Variants in PTCH1 observed in about 807,000 individuals in gnomAD.
The protein encoded by PTCH1 is protein patched homolog 1.
In PTCH1, 14 loss-of-function variants were observed where a neutral mutation model predicts 144.6. The ratio of observed to expected loss-of-function variants is 0.10; its 90% CI spans 0.06 to 0.15. The LOEUF (loss-of-function observed/expected upper bound fraction) is 0.15, where lower values mean the gene tolerates loss of function less well. Among genes scored for constraint, PTCH1 ranks in the 10% least tolerant of loss-of-function variants. The pLI is 1.00. For synonymous variants in PTCH1, 833 were observed against 793.6 expected, an observed-to-expected ratio of 1.05 and a Z score of -0.83; for missense variants, 1,623 against 1,948.3, an observed-to-expected ratio of 0.83 and a Z score of 3.14.
At chr9:95,488,903 G>C (rs1424573675) in intron 2 of PTCH1, among the ~76,000 whole-genome samples, 1 of 152,216 alleles carries the variant, frequency 6.6e-6, no homozygotes, top group East Asian at 1.9e-4. Context: ...CTGGGTAGAA[G>C]AACCAGCAAC....
At chr9:95,469,334 C>G in intron 13 of PTCH1, 181 bp from the exon 14 acceptor site, 1 of 927,056 alleles carries the variant, frequency 1.1e-6, no homozygotes, top group Non-Finnish European at 1.6e-6. Context: ...TGGTTCATCG[C>G]CTGGTGAACT....
At chr9:95,507,109 A>G in intron 1 of PTCH1, 1 of 984,594 alleles carries the variant, frequency 1.0e-6, no homozygotes, top group Non-Finnish European at 1.2e-6. Flanking sequence ...CGAGAATGGT[A>G]GTAAGTGGGG....
intron 16 of PTCH1, among the ~76,000 whole-genome samples, chr9:95,461,183 G>A (rs1410988361): frequency 6.6e-6 from 1 of 152,058 alleles, no homozygotes; most frequent in Non-Finnish European, 1.5e-5. Context: ...GGGGTATGCT[G>A]GAATCCAAAT....
Position 95,482,180 on chromosome 9 carries a change from C to T in PTCH1, c.608G>A (p.Cys203Tyr), listed in dbSNP as rs1261920867. 6.2e-7 allele frequency: 1 copy of T among 1,613,950 alleles called. No homozygotes were observed. Among genetic ancestry groups the T allele is most frequent in the Non-Finnish European group, 8.5e-7 (1 of 1,179,984 alleles). The change falls in exon 4 of 24, where the codon TGT (cysteine) becomes TAT (tyrosine). Residue 203 changes from cysteine (C) to tyrosine (Y), a missense_variant. By Grantham distance (194) the Cys-to-Tyr change is radical (BLOSUM62 -2). Coordinates refer to ENST00000331920, the MANE Select transcript of PTCH1 (RefSeq NM_000264.5). ...TGTGATAAGCTCTCCTGATTTGTAA[C>T]ACAAATGTTCCAATTTCCACTGCCT... The part of the protein sequence containing the change: ...YNRQWKLEHL[C>Y]YKSGELITET...
In PTCH1 at chr9:95,508,994, G is replaced by A. The variant is rs150410919; in HGVS notation, c.-633C>T. Among the ~76,000 whole-genome samples, 1,009 of 151,116 alleles carry A rather than the reference G, an allele frequency of 6.7e-3. 15 individuals are homozygous for A. Among genetic ancestry groups the A allele is most frequent in the African/African-American group, 0.024 (971 of 41,290 alleles). On this transcript the variant is annotated 5_prime_UTR_variant, in exon 1 of 24. Transcript: ENST00000331920. ...GCTGCTGGCGGTGGCGGCTCCAGGA[G>A]CTGCTGCTCGGGCTGCTCGGGCTCT...
chr9:95,516,706 C>T (rs762460945), exon 1 of PTCH1: 1 of 1,613,408 alleles, frequency 6.2e-7, no homozygotes, highest in South Asian at 1.1e-5. Flanking sequence ...CCTCCTCCGT[C>T]TTTACAAAAG....
intron 22 of PTCH1, 73 bp from the exon 23 acceptor site, chr9:95,447,524 C>T (rs1157782376): frequency 7.0e-7 from 1 of 1,437,338 alleles, no homozygotes; most frequent in South Asian, 1.4e-5. Context: ...CCCACACTTC[C>T]CTCCTTGGGT....
At position 95,480,411 on chromosome 9, in the gene PTCH1, G is replaced by T. The variant is rs765750044; in HGVS notation, c.924C>A (p.Ala308=). 15 of 1,610,810 alleles carry T rather than the reference G, an allele frequency of 9.3e-6. No homozygotes were observed. The highest frequency in any genetic ancestry group is 1.2e-5 in the Non-Finnish European group (14 of 1,179,586). ...NPADPDCPAT[A]PNKNSTKPLD... ...TCACTTTGGTTGAATTTTTGTTGGG[G>T]GCTGTGGCGGGGCAGTCTGGATCGG... is the stretch of plus-strand genomic sequence containing the variant. The change falls in exon 6 of 24, where the codon GCC becomes GCA. Residue 308 remains alanine (A), a synonymous_variant. Transcript: ENST00000331920.
chr9:95,488,410 C>T (rs1029153831), intron 2 of PTCH1, among the ~76,000 whole-genome samples: 2 of 152,200 alleles, frequency 1.3e-5, no homozygotes, highest in African/African-American at 4.8e-5. Context: ...ACGGTTTTCT[C>T]AACCACCTAT....
At chr9:95,482,670 T>C in intron 3 of PTCH1, 1 of 222,334 alleles carries the variant, frequency 4.5e-6, no homozygotes, top group East Asian at 1.2e-4. Flanking sequence ...TCTCCTGCTC[T>C]TAACCATTAA....
chr9:95,464,134 C>CT, intron 15 of PTCH1, among the ~76,000 whole-genome samples: 1 of 152,212 alleles, frequency 6.6e-6, no homozygotes, highest in Non-Finnish European at 1.5e-5. Context: ...ATTCACTCTA[C>CT]TGGGGGTTCA....
At chr9:95,467,085 G>C (rs753742035) in intron 15 of PTCH1, 31 bp downstream of exon 15, 4 of 1,609,704 alleles carry the variant, frequency 2.5e-6, no homozygotes, top group South Asian at 1.1e-5. Context: ...GCAAAAGACC[G>C]AAAGGACGAG....
In PTCH1 at chr9:95,459,673, C is replaced by T. The variant is rs587780534; in HGVS notation, c.2814G>A (p.Gln938=). The change falls in exon 17 of 24, where the codon CAG becomes CAA. Residue 938 remains glutamine (Q), a synonymous_variant. Transcript: ENST00000331920. ...CTGGTCGGTGTGGCCGGATGTTGGCCTGGGAGGCAGCATACGCGACGGGGT... is the reference window on the plus strand; with the variant it reads ...CTGGTCGGTGTGGCCGGATGTTGGCTTGGGAGGCAGCATACGCGACGGGGT... ...SNDPVAYAAS[Q]ANIRPHRPEW... The T allele has an allele frequency of 1.1e-4, 170 of 1,614,172 alleles. No homozygotes were observed. The highest frequency in any genetic ancestry group is 2.3e-4 in the Admixed American group (14 of 60,018).
chr9:95,511,341 G>C (rs1321124168), upstream of PTCH1, among the ~76,000 whole-genome samples: 2 of 151,962 alleles, frequency 1.3e-5, no homozygotes, highest in Non-Finnish European at 2.9e-5. Context: ...CCACCAGCCT[G>C]GCCACCTTCC....
At position 95,476,221 on chromosome 9, in the gene PTCH1, CTG is replaced by C; in HGVS notation, c.1603-64_1603-63del. 1 of 1,580,650 alleles carries C rather than the reference CTG, an allele frequency of 6.3e-7. No homozygotes were observed. Among genetic ancestry groups the C allele is most frequent in the African/African-American group, 1.3e-5 (1 of 74,228 alleles). ...GGACATGGTCCCCTTGGAGCACAGA[CTG>C]TGTGAGCAGATACGTGGCAGAATAA... On this transcript the variant is annotated intron_variant, in intron 11 of 23. Coordinates refer to ENST00000331920, the MANE Select transcript of PTCH1 (RefSeq NM_000264.5). The surrounding 1 kb of genome is among the most constrained non-coding windows in gnomAD (Gnocchi z 4.6).
intron 23 of PTCH1, 48 bp downstream of exon 23, chr9:95,446,863 C>G: frequency 1.2e-6 from 2 of 1,611,834 alleles, no homozygotes; most frequent in Non-Finnish European, 1.7e-6. Flanking sequence ...TTGTCCTCCT[C>G]TTTGCCTGGC....
rs774573762 is a variant in PTCH1 at position 95,467,189 on chromosome 9, C to T, written c.2487G>A (p.Val829=). The T allele has an allele frequency of 6.2e-7, 1 of 1,614,246 alleles. No individual in the cohort carries two copies. The highest frequency in any genetic ancestry group is 8.5e-7 in the Non-Finnish European group (1 of 1,180,044). The part of the protein sequence containing the change: ...LYDLHRSFSN[V]KYVMLEENKQ... ...TGTTTTCTTCCAACATGACATACTTCACGTTACTGAAACTCCTGTGTAGGT... is the reference window on the plus strand; with the variant it reads ...TGTTTTCTTCCAACATGACATACTTTACGTTACTGAAACTCCTGTGTAGGT... The change falls in exon 15 of 24, where the codon GTG becomes GTA. Residue 829 remains valine (V), a synonymous_variant. Coordinates refer to ENST00000331920, the MANE Select transcript of PTCH1 (RefSeq NM_000264.5).
intron 15 of PTCH1, among the ~76,000 whole-genome samples, chr9:95,463,492 TTC>T (rs955339027): frequency 2.6e-5 from 4 of 152,128 alleles, no homozygotes; most frequent in Non-Finnish European, 5.9e-5. Flanking sequence ...AGCCCTTTCT[TTC>T]TGTTTTTGAA....
At chr9:95,507,699 C>G (rs1403911139) in intron 1 of PTCH1, 2 of 180,340 alleles carry the variant, frequency 1.1e-5, no homozygotes, top group Non-Finnish European at 2.1e-5. Context: ...CTCTCCGCCT[C>G]TCTCCACTCC....
Sources: allele counts gnomAD v4.1 joint callset (sites outside exome capture counted in the v4.1 genomes callset), GRCh38; gene constraint gnomAD v4.1.1; non-coding constraint Gnocchi (gnomAD v3.1); transcripts MANE v1.5; gene names NCBI Gene and HGNC (gene_info 2026-07-23, HGNC 2026-07-21).